Variants in A2ML1 observed in about 807,000 individuals in gnomAD.
The protein encoded by A2ML1 is alpha-2-macroglobulin like 1, also known as alpha-2-macroglobulin-like protein 1.
In A2ML1, 161 loss-of-function variants were observed where a neutral mutation model predicts 181.9. That is an observed-to-expected ratio of 0.89 (90% CI 0.78 to 1.01). The LOEUF (loss-of-function observed/expected upper bound fraction) is 1.01. Ranked by LOEUF, A2ML1 falls within the 50% of genes least tolerant of loss-of-function variation. A2ML1 has a pLI of 0.00. For synonymous variants in A2ML1, 663 were observed against 666.8 expected (o/e 0.99, Z 0.09); for missense variants, 1,670 against 1,768.1 (o/e 0.94, Z 1.00).
rs202067416 is a variant in A2ML1 at position 8,868,358 on chromosome 12, G to C, written c.4061+1G>C. On this transcript the variant is annotated splice_donor_variant, in intron 31 of 35. Transcript: ENST00000299698. LOFTEE classifies it high-confidence loss of function. ...CCTTGACTCTCACTATTCACACCAG[G>C]TGATTAAAGCTGGGGTGCTGGTGGC... 3.7e-6 allele frequency: 6 copies of C among 1,611,252 alleles called. No homozygotes were observed.
chr12:8,851,079 C>G (rs1407792839), intron 18 of A2ML1, among the ~76,000 whole-genome samples: 2 of 152,188 alleles, frequency 1.3e-5, no homozygotes, highest in Non-Finnish European at 2.9e-5. Flanking sequence ...CCACTCAAAA[C>G]AAATCCACAC....
chr12:8,861,439 G>C, intron 28 of A2ML1, 142 bp downstream of exon 28: 1 of 1,055,932 alleles, frequency 9.5e-7, no homozygotes, highest in South Asian at 1.7e-5. Flanking sequence ...ATTATTGTTG[G>C]GAGGTTTGTG....
chr12:8,846,669 A>C (rs1408390288), intron 14 of A2ML1, among the ~76,000 whole-genome samples: 1 of 152,024 alleles, frequency 6.6e-6, no homozygotes, highest in African/African-American at 2.4e-5. Context: ...AAATTAGCCA[A>C]GCATGGTGGT....
intron 26 of A2ML1, 44 bp downstream of exon 26, chr12:8,858,146 G>T (rs1462071711): frequency 6.9e-6 from 11 of 1,596,016 alleles, no homozygotes; most frequent in Non-Finnish European, 8.5e-6. Context: ...CTGTCTCGAA[G>T]GACCCCACAC....
In A2ML1 at chr12:8,861,304, TG is replaced by T. The variant is rs777000879; in HGVS notation, c.3502+9del. The T allele has an allele frequency of 1.2e-6, 2 of 1,613,796 alleles. No individual in the cohort carries two copies. The highest frequency in any genetic ancestry group is 3.3e-5 in the Admixed American group (2 of 60,022). ...CAACAGGCTATCATCTCAGGTATGT[TG>T]GTCCTGTTGAGAGTTCTTTGAAATT... is the stretch of plus-strand genomic sequence containing the variant. On this transcript the variant is annotated splice_region_variant and intron_variant, in intron 28 of 35. Transcript: ENST00000299698.
chr12:8,827,870 C>A (rs1371824284), intron 3 of A2ML1, among the ~76,000 whole-genome samples: 1 of 152,166 alleles, frequency 6.6e-6, no homozygotes, highest in Non-Finnish European at 1.5e-5. Flanking sequence ...CATAGAGGTA[C>A]CTCCTTGATG....
At chr12:8,841,174 C>G (rs1236297011) in intron 10 of A2ML1, among the ~76,000 whole-genome samples, 195 bp from the exon 11 acceptor site, 1 of 152,222 alleles carries the variant, frequency 6.6e-6, no homozygotes, top group Non-Finnish European at 1.5e-5. Context: ...CGGTTCCTCA[C>G]AGATCCTAGT....
chr12:8,829,866 G>A (rs1425335910), intron 4 of A2ML1, 87 bp downstream of exon 4: 5 of 1,545,792 alleles, frequency 3.2e-6, no homozygotes, highest in Non-Finnish European at 4.5e-6. Flanking sequence ...TCTCAGCCTG[G>A]GCGTGGCAAG....
At chr12:8,869,706 T>A (rs1387956905) in intron 33 of A2ML1, among the ~76,000 whole-genome samples, 2 of 152,158 alleles carry the variant, frequency 1.3e-5, no homozygotes, top group Non-Finnish European at 2.9e-5. Flanking sequence ...TAGAGTATGT[T>A]ATAGTGGTTA....
At chr12:8,835,137 T>A (rs1943230587) in intron 5 of A2ML1, among the ~76,000 whole-genome samples, 1 of 152,206 alleles carries the variant, frequency 6.6e-6, no homozygotes, top group Non-Finnish European at 1.5e-5. Flanking sequence ...ATGTTTTAGG[T>A]ATCTTACAAT....
Position 8,849,664 on chromosome 12 carries a change from A to G in A2ML1, c.2029-5A>G. 9 of 1,613,524 alleles carry G rather than the reference A, an allele frequency of 5.6e-6. No homozygotes were observed. The highest frequency in any genetic ancestry group is 1.7e-5 in the Admixed American group (1 of 60,014). On this transcript the variant is annotated splice_region_variant and splice_polypyrimidine_tract_variant and intron_variant, in intron 16 of 35. Transcript: ENST00000299698. Reference sequence around the variant, plus strand: ...CTTAATACTTATTTCTCTGATGCCTATCAGGACGTGGGCCTGAAAATACTG... The same window carrying G: ...CTTAATACTTATTTCTCTGATGCCTGTCAGGACGTGGGCCTGAAAATACTG...
rs1943670485 is a variant in A2ML1, at chr12:8,845,979, G to T, written c.1538-98G>T. 2.3e-5 allele frequency: 31 copies of T among 1,370,180 alleles called. No individual in the cohort carries two copies. The South Asian group carries it at 4.2e-4, about 19-fold the overall frequency. The allele number at this position is 1,370,180 out of a possible 1,614,324, so 84.9% of individuals were successfully genotyped here. A position where few individuals can be genotyped will look rare whatever the true frequency, so the allele number is the denominator to read the frequency against. ...AAAATGAGAAGTAACTTGCACCATG[G>T]TGCCTGCACTGGCTCAGTGAAAAGT... is the stretch of plus-strand genomic sequence containing the variant. On this transcript the variant is annotated intron_variant, in intron 13 of 35. Transcript: ENST00000299698.
Position 8,852,440 on chromosome 12 carries a change from C to T in A2ML1, c.2590+104C>T, listed in dbSNP as rs138983779. The T allele has an allele frequency of 2.0e-6, 3 of 1,512,806 alleles. No homozygotes were observed. Among genetic ancestry groups the T allele is most frequent in the Non-Finnish European group, 2.7e-6 (3 of 1,113,582 alleles). The allele number at this position is 1,512,806 out of a possible 1,614,324, so 93.7% of individuals were successfully genotyped here. On this transcript the variant is annotated intron_variant, in intron 20 of 35. Coordinates refer to ENST00000299698, the MANE Select transcript of A2ML1 (RefSeq NM_144670.6). The surrounding 1 kb of genome is among the most constrained non-coding windows in gnomAD (Gnocchi z 4.2). Reference sequence around the variant, plus strand: ...GCCACATCTGCTTTGCTTCCTCCTCCATTTTCCACTATTTTTCTCCCTCCT... The same window carrying T: ...GCCACATCTGCTTTGCTTCCTCCTCTATTTTCCACTATTTTTCTCCCTCCT...
chr12:8,855,672 G>A (rs1373630549), intron 23 of A2ML1, 80 bp downstream of exon 23: 52 of 1,306,062 alleles, frequency 4.0e-5, no homozygotes, highest in East Asian at 9.2e-5. Flanking sequence ...CGGGACATAC[G>A]GACCTATCCG....
Position 8,860,103 on chromosome 12 carries a change from C to T in A2ML1, c.3265-778C>T, listed in dbSNP as rs774118811. On this transcript the variant is annotated intron_variant, in intron 26 of 35. Transcript: ENST00000299698. ...TCACCCAGGCTGAAGTGCAGTGGCA[C>T]GATCATGGCTCACTGCAGCCTTGAC... Among the ~76,000 whole-genome samples, 7 of 152,214 alleles carry T rather than the reference C, an allele frequency of 4.6e-5. No individual in the cohort carries two copies. In the East Asian group the frequency reaches 5.8e-4, roughly 13 times the overall value.
chr12:8,844,622 C>T (rs1943603917), intron 12 of A2ML1, among the ~76,000 whole-genome samples: 1 of 151,924 alleles, frequency 6.6e-6, no homozygotes, highest in African/African-American at 2.4e-5. Flanking sequence ...GTTCCGTTAT[C>T]CTCCTGTCAG....
At position 8,840,357 on chromosome 12, in the gene A2ML1, C is replaced by CA. The variant is rs11296029; in HGVS notation, c.1081-996dup. On this transcript the variant is annotated intron_variant, in intron 10 of 35. Coordinates refer to ENST00000299698, the MANE Select transcript of A2ML1 (RefSeq NM_144670.6). Reference sequence around the variant, plus strand: ...CCTGGGCGATAGAGCGAGACTGTCTCAAAAAAAAAAAAAAAAGATAAATAC... The same window carrying CA: ...CCTGGGCGATAGAGCGAGACTGTCTCAAAAAAAAAAAAAAAAAGATAAATAC... 4.0e-3 allele frequency among the ~76,000 whole-genome samples: 532 copies of CA among 132,866 alleles called. 3 individuals carry two copies. The highest frequency in any genetic ancestry group is 0.013 in the African/African-American group (472 of 35,038). 87.2% of individuals were successfully genotyped at this position (132,866 alleles called of 152,430 possible).
At chr12:8,886,794 C>A (rs1212924530) in exon 8 of A2ML1, 1 of 152,150 alleles carries the variant, frequency 6.6e-6, no homozygotes, top group Non-Finnish European at 1.5e-5. Flanking sequence ...ACCTTGATTA[C>A]CACTTTAAAG....
At position 8,868,615 on chromosome 12, in the gene A2ML1, C is replaced by T. The variant is rs1312442969; in HGVS notation, c.4140C>T (p.Gly1380=). Residue 1380 remains glycine, a synonymous_variant, in exon 32 of 36, where the codon GGC becomes GGT. Transcript: ENST00000299698. The stretch of plus-strand genomic sequence containing the variant: ...TATCTGGGTTCAGTCCCATGGAGGG[C>T]ACCAATCAGTTAGTAAGTTACTTCT... ...KMLSGFSPME[G]TNQLLLQQPL... The T allele has an allele frequency of 1.2e-6, 2 of 1,613,610 alleles. No individual in the cohort carries two copies. The highest frequency in any genetic ancestry group is 1.7e-6 in the Non-Finnish European group (2 of 1,179,850).
Sources: gnomAD v4.1 joint callset for allele counts (sites outside exome capture counted in the v4.1 genomes callset) on GRCh38, gnomAD v4.1.1 for gene constraint, Gnocchi (gnomAD v3.1) non-coding constraint, MANE v1.5 for transcripts, NCBI Gene and HGNC (gene_info 2026-07-23, HGNC 2026-07-21) for gene names.